CNTN5: variants seen among roughly 807,000 people sequenced by gnomAD.
The protein encoded by CNTN5 is contactin-5.
In CNTN5, 77 loss-of-function variants were observed where a neutral mutation model predicts 129.1. The ratio of observed to expected loss-of-function variants is 0.60; its 90% CI spans 0.50 to 0.72. The LOEUF is 0.72. Among genes scored for constraint, CNTN5 ranks in the 30% least tolerant of loss-of-function variants. CNTN5 has a pLI of 0.00. For missense variants in CNTN5, 1,478 were observed against 1,328.8 expected (o/e 1.11, Z -1.75); for synonymous variants, 509 against 465.6 (o/e 1.09, Z -1.20).
At chr11:99,023,659 A>G (rs1862986510) in intron 1 of CNTN5, among the ~76,000 whole-genome samples, 1 of 152,204 alleles carries the variant, frequency 6.6e-6, no homozygotes, top group Non-Finnish European at 1.5e-5. Flanking sequence ...TCATCAGTCA[A>G]AAACTAATCC....
intron 13 of CNTN5, among the ~76,000 whole-genome samples, chr11:100,147,146 C>T (rs1946876893): frequency 6.6e-6 from 1 of 152,134 alleles, no homozygotes; most frequent in Admixed American, 6.6e-5. Context: ...CTGTTACCTT[C>T]TGCCAGCCCA....
At chr11:100,110,268 T>TAATA (rs3061796) in intron 13 of CNTN5, among the ~76,000 whole-genome samples, 116,993 of 151,280 alleles carry the variant, frequency 0.77, 46,252 homozygotes, top group East Asian at 1. Flanking sequence ...TCTAGAAATC[T>TAATA]AATAATGCCA....
At chr11:99,538,864 C>T (rs536067143) in intron 2 of CNTN5, among the ~76,000 whole-genome samples, 2 of 152,156 alleles carry the variant, frequency 1.3e-5, no homozygotes, top group African/African-American at 4.8e-5. Flanking sequence ...ATTTATTTTG[C>T]AAACATAATT....
intron 1 of CNTN5, among the ~76,000 whole-genome samples, chr11:99,051,990 T>C (rs1864444074): frequency 6.6e-6 from 1 of 151,762 alleles, no homozygotes; most frequent in Non-Finnish European, 1.5e-5. Context: ...TGTTGAAGAT[T>C]AAAGAAAGTG....
At chr11:100,321,292 T>TA in intron 21 of CNTN5, among the ~76,000 whole-genome samples, 1 of 52,466 alleles carries the variant, frequency 1.9e-5, no homozygotes, top group East Asian at 1.3e-3. Flanking sequence ...TTCCTAAGTA[T>TA]TTTTTTTTTT....
In CNTN5 at chr11:99,819,697, T is replaced by A. The variant is rs7125822; in HGVS notation, c.209T>A (p.Leu70Gln). ...CTGAGTGCTTCTTCACCCAGCTGGC[T>A]AGGGGCAGCTCAGAATTATTATTCC... ...GTLSASSPSW[L>Q]GAAQNYYSPI... Residue 70 changes from leucine (L) to glutamine (Q), a missense_variant, in exon 4 of 25, where the codon CTA (leucine) becomes CAA (glutamine). Transcript: ENST00000524871. 25 of 1,594,280 alleles carry A rather than the reference T, an allele frequency of 1.6e-5. No homozygotes were observed. In the African/African-American group the frequency reaches 1.9e-4, roughly 12 times the overall value.
intron 6 of CNTN5, among the ~76,000 whole-genome samples, chr11:99,875,853 A>G (rs1037515469): frequency 6.6e-6 from 1 of 152,178 alleles, no homozygotes; most frequent in African/African-American, 2.4e-5. Context: ...AAAAATATTG[A>G]CTTAATTGTA....
At chr11:99,258,889 A>T (rs1328784179) in intron 1 of CNTN5, among the ~76,000 whole-genome samples, 1 of 151,876 alleles carries the variant, frequency 6.6e-6, no homozygotes, top group Non-Finnish European at 1.5e-5. Context: ...TGTCAAGCGT[A>T]TTTCAGATTT....
chr11:100,079,678 G>A (rs1044800671), intron 13 of CNTN5, among the ~76,000 whole-genome samples: 1 of 152,012 alleles, frequency 6.6e-6, no homozygotes, highest in African/African-American at 2.4e-5. Context: ...GGCTCTCCAG[G>A]TTTTCCCCCC....
chr11:99,824,050 T>C (rs1946879781), intron 4 of CNTN5, among the ~76,000 whole-genome samples: 1 of 152,060 alleles, frequency 6.6e-6, no homozygotes, highest in Admixed American at 6.6e-5. Flanking sequence ...CAATTACAGT[T>C]TCTTTATTCA....
intron 9 of CNTN5, among the ~76,000 whole-genome samples, chr11:100,022,271 C>A (rs779910656): frequency 2.6e-5 from 4 of 152,146 alleles, no homozygotes; most frequent in East Asian, 1.9e-4. Context: ...AAATAGATTT[C>A]TTTTAGGCAG....
At chr11:99,066,735 A>T (rs1266972145) in intron 1 of CNTN5, among the ~76,000 whole-genome samples, 1 of 152,096 alleles carries the variant, frequency 6.6e-6, no homozygotes, top group Non-Finnish European at 1.5e-5. Context: ...CAGCTCTTAC[A>T]TTGTGAAATC....
chr11:99,671,148 G>GTTTCT (rs5794013), intron 3 of CNTN5, among the ~76,000 whole-genome samples: 1,267 of 125,680 alleles, frequency 0.01, 15 homozygotes, highest in Non-Finnish European at 0.016. Context: ...TGTAGATTGA[G>GTTTCT]TTTTTTTTTT....
intron 9 of CNTN5, among the ~76,000 whole-genome samples, chr11:100,021,857 G>C (rs561710265): frequency 1.3e-5 from 2 of 152,322 alleles, no homozygotes. Context: ...CAAACCACTC[G>C]TGTAGGAACA....
At chr11:99,040,600 T>C (rs1433452541) in intron 1 of CNTN5, among the ~76,000 whole-genome samples, 1 of 152,062 alleles carries the variant, frequency 6.6e-6, no homozygotes, top group Non-Finnish European at 1.5e-5. Flanking sequence ...TATGCAAAAG[T>C]AAAAGTGAAA....
At chr11:99,921,140 G>A (rs1327513969) in intron 7 of CNTN5, among the ~76,000 whole-genome samples, 1 of 152,144 alleles carries the variant, frequency 6.6e-6, no homozygotes, top group Non-Finnish European at 1.5e-5. Flanking sequence ...TGTTGTTTAA[G>A]TCATCCAGTC....
intron 7 of CNTN5, among the ~76,000 whole-genome samples, chr11:99,943,275 T>G (rs1224739483): frequency 6.6e-6 from 1 of 152,196 alleles, no homozygotes; most frequent in Non-Finnish European, 1.5e-5. Context: ...TTTGCCCTTG[T>G]CTGATAACCA....
intron 2 of CNTN5, among the ~76,000 whole-genome samples, chr11:99,505,950 T>C (rs1437708310): frequency 6.6e-6 from 1 of 152,236 alleles, no homozygotes; most frequent in African/African-American, 2.4e-5. Context: ...GTGTGTTAAC[T>C]AGTGTGTGTT....
intron 15 of CNTN5, among the ~76,000 whole-genome samples, chr11:100,201,595 A>G (rs1478994554): frequency 6.6e-6 from 1 of 151,876 alleles, no homozygotes; most frequent in African/African-American, 2.4e-5. Flanking sequence ...ACATCTTGAT[A>G]ATTTTTCAAT....
Sources: gnomAD v4.1 joint callset for allele counts (sites outside exome capture counted in the v4.1 genomes callset) on GRCh38, gnomAD v4.1.1 for gene constraint, MANE v1.5 for transcripts, NCBI Gene and HGNC (gene_info 2026-07-23, HGNC 2026-07-21) for gene names.